COL20A1: variants seen among roughly 807,000 people sequenced by gnomAD.
COL20A1 encodes collagen type XX alpha 1 chain.
A neutral mutation model predicts 152.9 loss-of-function variants in COL20A1; 164 were observed. The observed-to-expected ratio is 1.07, with a 90% CI of 0.94 to 1.22. The LOEUF is 1.22. Ranked by LOEUF, COL20A1 falls within the 50% of genes most tolerant of loss-of-function variation. The pLI, the probability that COL20A1 is intolerant of heterozygous loss-of-function variation, is 0.00. For synonymous variants in COL20A1, 864 were observed against 756.0 expected (o/e 1.14, Z -2.34); for missense variants, 1,873 against 1,744.8 (o/e 1.07, Z -1.31).
At position 63,332,467 on chromosome 20, in the gene COL20A1, C is replaced by G. The variant is rs910326809; in HGVS notation, c.*1751C>G. ...CTCTTTGAGCAGTGGAGTGAGCAGG[C>G]TTTGTCATGAGGCAGGAGTGGGGCT... On this transcript the variant is annotated 3_prime_UTR_variant, in exon 36 of 36. Transcript: ENST00000358894. 1.3e-5 allele frequency: 2 copies of G among 152,268 alleles called. No homozygotes were observed. The highest frequency in any genetic ancestry group is 2.9e-5 in the Non-Finnish European group (2 of 68,080). 9.4% of individuals were successfully genotyped at this position (152,268 alleles called of 1,614,324 possible). A position where few individuals can be genotyped will look rare whatever the true frequency, so the allele number is the denominator to read the frequency against.
chr20:63,311,699 C>T lies in COL20A1; in HGVS notation c.1614C>T (p.Ser538=), dbSNP rs1416801605. The T allele has an allele frequency of 1.2e-6, 2 of 1,605,050 alleles. No individual in the cohort carries two copies. Among genetic ancestry groups the T allele is most frequent in the African/African-American group, 1.3e-5 (1 of 74,804 alleles). The change falls in exon 13 of 36, where the codon AGC becomes AGT. Residue 538 remains serine, a synonymous_variant. Transcript: ENST00000358894. This position sits in a 1 kb window ranked among gnomAD's most constrained non-coding sequence, Gnocchi z 4.4. ...GGGACTATGAGGTCTCGGTGCAGAG[C>T]CTGCGAGGCCCTGAGGGCAGCGAGG... ...PGRDYEVSVQ[S]LRGPEGSEAR...
Position 63,305,628 on chromosome 20 carries a change from G to A in COL20A1, c.337+68G>A, listed in dbSNP as rs1005959204. 16 of 1,485,714 alleles carry A rather than the reference G, an allele frequency of 1.1e-5. No homozygotes were observed. The South Asian group carries it at 2.0e-4, about 19-fold the overall frequency. The allele number at this position is 1,485,714 out of a possible 1,614,324, so 92.0% of individuals were successfully genotyped here. On this transcript the variant is annotated intron_variant, in intron 4 of 35. Transcript: ENST00000358894. The surrounding 1 kb of genome is among the most constrained non-coding windows in gnomAD (Gnocchi z 4.9). ...CGGGTCCCACCCTCCTCTGGGCTGG[G>A]GTCCCACCCTCCTCCAGGCTGCGTT...
chr20:63,311,980 C>T lies in COL20A1; in HGVS notation c.1728C>T (p.Phe576=), dbSNP rs1395567669. ...SDVSHDAARV[F]WEGAPRPVRL... ...TGAGCCACGACGCGGCACGAGTGTT[C>T]TGGGAGGGTGCCCCGAGGCCTGTGC... The change falls in exon 14 of 36, where the codon TTC becomes TTT. Residue 576 remains phenylalanine, a synonymous_variant. Transcript: ENST00000358894. This position sits in a 1 kb window ranked among gnomAD's most constrained non-coding sequence, Gnocchi z 4.4. 1.2e-6 allele frequency: 2 copies of T among 1,602,704 alleles called. No individual in the cohort carries two copies. The highest frequency in any genetic ancestry group is 3.4e-5 in the Admixed American group (2 of 58,946).
chr20:63,306,834 CATATCCCCTCCAG>C lies in COL20A1; in HGVS notation c.497-654_497-642del, dbSNP rs907535634. Among the ~76,000 whole-genome samples, 3 of 152,224 alleles carry C rather than the reference CATATCCCCTCCAG, an allele frequency of 2.0e-5. No individual in the cohort carries two copies. Among genetic ancestry groups the C allele is most frequent in the African/African-American group, 7.2e-5 (3 of 41,460 alleles). On this transcript the variant is annotated intron_variant, in intron 5 of 35. Transcript: ENST00000358894. The surrounding 1 kb of genome is among the most constrained non-coding windows in gnomAD (Gnocchi z 6.9). ...AGGAAGTGTTCTCCTCAGACTTGGGCATATCCCCTCCAGAGGGTCCTCGGGTCCGCTGCTGTCC... is the reference window on the plus strand; with the variant it reads ...AGGAAGTGTTCTCCTCAGACTTGGGCAGGGTCCTCGGGTCCGCTGCTGTCC...
chr20:63,305,956 C>G lies in COL20A1; in HGVS notation c.413C>G (p.Pro138Arg), dbSNP rs1252186880. Residue 138 changes from proline to arginine, a missense_variant, in exon 5 of 36, where the codon CCC becomes CGC. Transcript: ENST00000358894. This position sits in a 1 kb window ranked among gnomAD's most constrained non-coding sequence, Gnocchi z 4.9. ...GGCTCTGGAGCCCCGGAGCCCACCCCCTCCCACACGGGGAGCCCAGACCCT... is the reference window on the plus strand; with the variant it reads ...GGCTCTGGAGCCCCGGAGCCCACCCGCTCCCACACGGGGAGCCCAGACCCT... ...PLGSGAPEPT[P>R]SHTGSPDPEQ... 11 of 1,612,616 alleles carry G rather than the reference C, an allele frequency of 6.8e-6. No individual in the cohort carries two copies. In the South Asian group the frequency reaches 7.7e-5, roughly 11 times the overall value.
At chr20:63,301,220 C>T (rs2067859551) in intron 3 of COL20A1, among the ~76,000 whole-genome samples, 1 of 152,126 alleles carries the variant, frequency 6.6e-6, no homozygotes, top group African/African-American at 2.4e-5. Flanking sequence ...GAGGCTGAGG[C>T]AGGAGAATCG....
intron 27 of COL20A1, among the ~76,000 whole-genome samples, chr20:63,322,849 G>A (rs2068185954): frequency 6.6e-6 from 1 of 152,230 alleles, no homozygotes. Context: ...AAAGACGTGC[G>A]CCTGGCTCTG....
Position 63,319,187 on chromosome 20 carries a change from G to C in COL20A1, c.2793G>C (p.Gly931=). 3 of 1,612,596 alleles carry C rather than the reference G, an allele frequency of 1.9e-6. No homozygotes were observed. The South Asian group carries it at 3.3e-5, about 18-fold the overall frequency. The change falls in exon 22 of 36, where the codon GGG becomes GGC. Residue 931 remains glycine (G), a synonymous_variant. Transcript: ENST00000358894. The surrounding 1 kb of genome is among the most constrained non-coding windows in gnomAD (Gnocchi z 4.4). ...MTAEDFQPLL[G]VLLDAGKKSL... ...CCGAGGACTTCCAGCCCCTCCTTGG[G>C]GTTCTGCTGGATGGTGACGTGGGCC...
Position 63,313,277 on chromosome 20 carries a change from T to A in COL20A1, c.2209+28T>A. On this transcript the variant is annotated intron_variant, in intron 17 of 35. Transcript: ENST00000358894. The surrounding 1 kb of genome is among the most constrained non-coding windows in gnomAD (Gnocchi z 5.9). ...AGGTGCCCCTCCACTTCCCCTCTGC[T>A]GGGTGTGGGGCAGGGATGGCCCAGG... 4 of 1,593,990 alleles carry A rather than the reference T, an allele frequency of 2.5e-6. No individual in the cohort carries two copies. Among genetic ancestry groups the A allele is most frequent in the Non-Finnish European group, 3.4e-6 (4 of 1,167,992 alleles).
chr20:63,326,205 G>T (rs1256231818), intron 30 of COL20A1, 56 bp downstream of exon 30: 1 of 1,449,648 alleles, frequency 6.9e-7, no homozygotes, highest in Non-Finnish European at 9.7e-7. Context: ...GTGTTCCAGG[G>T]GTCAGGCAGA....
At chr20:63,322,833 G>A (rs1213228295) in intron 27 of COL20A1, among the ~76,000 whole-genome samples, 6 of 152,228 alleles carry the variant, frequency 3.9e-5, no homozygotes, top group Admixed American at 1.3e-4. Context: ...CCACATCCCC[G>A]TGAGCAAAGA....
chr20:63,320,978 G>A (rs1380330898), intron 25 of COL20A1, 35 bp from the exon 26 acceptor site: 1 of 1,467,630 alleles, frequency 6.8e-7, no homozygotes, highest in South Asian at 1.2e-5. Flanking sequence ...CCAGGGAGAG[G>A]GTCTCTCTAA....
At position 63,311,247 on chromosome 20, in the gene COL20A1, A is replaced by C; in HGVS notation, c.1394-147A>C. 2.2e-6 allele frequency: 2 copies of C among 905,966 alleles called. No homozygotes were observed. Among genetic ancestry groups the C allele is most frequent in the African/African-American group, 3.4e-5 (2 of 59,660 alleles). The allele number at this position is 905,966 out of a possible 1,614,324, so 56.1% of individuals were successfully genotyped here. The stretch of plus-strand genomic sequence containing the variant: ...GAGCTGGAGCCACAAACCTTGGCCC[A>C]AGGTGAAGCCTGGGAAGTGCCACTT... On this transcript the variant is annotated intron_variant, in intron 11 of 35. Coordinates refer to ENST00000358894, the MANE Select transcript of COL20A1 (RefSeq NM_020882.4). The surrounding 1 kb of genome is among the most constrained non-coding windows in gnomAD (Gnocchi z 4.4).
intron 2 of COL20A1, among the ~76,000 whole-genome samples, chr20:63,295,803 A>T (rs1319863499): frequency 1.3e-5 from 2 of 151,516 alleles, no homozygotes; most frequent in Admixed American, 1.3e-4. Flanking sequence ...GTTTAGATTG[A>T]CTCTAGGAAG....
At chr20:63,301,205 C>G (rs1390866899) in intron 3 of COL20A1, among the ~76,000 whole-genome samples, 1 of 152,156 alleles carries the variant, frequency 6.6e-6, no homozygotes, top group Admixed American at 6.5e-5. Flanking sequence ...ATCCCAGCTA[C>G]TCGGGAGGCT....
At position 63,305,384 on chromosome 20, in the gene COL20A1, TTG is replaced by T; in HGVS notation, c.194-32_194-31del. ...TGACAGATGCACACACGTGTGCACC[TTG>T]GCCTCTAAAGCTCTCCCCACCCCTA... On this transcript the variant is annotated intron_variant, in intron 3 of 35. Coordinates refer to ENST00000358894, the MANE Select transcript of COL20A1 (RefSeq NM_020882.4). This position sits in a 1 kb window ranked among gnomAD's most constrained non-coding sequence, Gnocchi z 4.9. The T allele has an allele frequency of 6.9e-7, 1 of 1,451,766 alleles. No individual in the cohort carries two copies. The highest frequency in any genetic ancestry group is 1.5e-5 in the South Asian group (1 of 65,970). 89.9% of individuals were successfully genotyped at this position (1,451,766 alleles called of 1,614,324 possible).
chr20:63,311,985 A>C lies in COL20A1; in HGVS notation c.1733A>C (p.Glu578Ala). 6.2e-7 allele frequency: 1 copy of C among 1,602,630 alleles called. No individual in the cohort carries two copies. Among genetic ancestry groups the C allele is most frequent in the Non-Finnish European group, 8.5e-7 (1 of 1,176,614 alleles). Reference sequence around the variant, plus strand: ...CACGACGCGGCACGAGTGTTCTGGGAGGGTGCCCCGAGGCCTGTGCGCCTG... The same window carrying C: ...CACGACGCGGCACGAGTGTTCTGGGCGGGTGCCCCGAGGCCTGTGCGCCTG... ...VSHDAARVFW[E>A]GAPRPVRLVR... is the part of the protein sequence containing the mutation. The change falls in exon 14 of 36, where the codon GAG (glutamate) becomes GCG (alanine). Residue 578 changes from glutamate to alanine, a missense_variant. Coordinates refer to ENST00000358894, the MANE Select transcript of COL20A1 (RefSeq NM_020882.4). This position sits in a 1 kb window ranked among gnomAD's most constrained non-coding sequence, Gnocchi z 4.4.
chr20:63,318,122 A>T (rs2068108030), intron 21 of COL20A1, among the ~76,000 whole-genome samples: 1 of 152,058 alleles, frequency 6.6e-6, no homozygotes, highest in South Asian at 2.1e-4. Flanking sequence ...GGCACTTCCC[A>T]TGCCTGTTTG....
intron 3 of COL20A1, among the ~76,000 whole-genome samples, chr20:63,304,588 C>T (rs1167500316): frequency 6.8e-6 from 1 of 145,988 alleles, no homozygotes; most frequent in African/African-American, 2.5e-5. Context: ...TCCAGGTGTG[C>T]ACGTGTGGGT....
Sources: gnomAD v4.1 joint callset for allele counts (sites outside exome capture counted in the v4.1 genomes callset) on GRCh38, gnomAD v4.1.1 for gene constraint, Gnocchi (gnomAD v3.1) non-coding constraint, MANE v1.5 for transcripts, NCBI Gene and HGNC (gene_info 2026-07-23, HGNC 2026-07-21) for gene names.